Variants in SLC3A1 observed in about 807,000 individuals in gnomAD.
SLC3A1 encodes solute carrier family 3 member 1, also known as amino acid transporter heavy chain SLC3A1.
SLC3A1 carries 78 observed loss-of-function variants against 60.3 expected under a neutral mutation model. That is an observed-to-expected ratio of 1.29 (90% CI 1.08 to 1.56). The LOEUF is 1.56. SLC3A1 is among the 40% of genes most tolerant of loss of function. SLC3A1 has a pLI of 0.00. For synonymous variants in SLC3A1, 392 were observed against 307.9 expected, an observed-to-expected ratio of 1.27 and a Z score of -2.86; for missense variants, 1,172 against 858.9, an observed-to-expected ratio of 1.36 and a Z score of -4.56.
At position 44,275,673 on chromosome 2, in the gene SLC3A1, C is replaced by G. The variant is rs373364069; in HGVS notation, c.138C>G (p.His46Gln). ...DPGSSTDNLK[H>Q]STRGILGSQE... Reference sequence around the variant, plus strand: ...GAAGCTCAACAGACAACCTGAAGCACAGCACCAGGGGCATCCTTGGCTCCC... The same window carrying G: ...GAAGCTCAACAGACAACCTGAAGCAGAGCACCAGGGGCATCCTTGGCTCCC... Residue 46 changes from histidine to glutamine, a missense_variant, in exon 1 of 10, where the codon CAC becomes CAG. His to Gln is a conservative substitution (Grantham distance 24). Coordinates refer to ENST00000260649, the MANE Select transcript of SLC3A1 (RefSeq NM_000341.4). 1 of 1,614,196 alleles carries G rather than the reference C, an allele frequency of 6.2e-7. No homozygotes were observed.
At chr2:44,278,402 C>T (rs1056276848) in intron 1 of SLC3A1, among the ~76,000 whole-genome samples, 22 of 151,870 alleles carry the variant, frequency 1.4e-4, no homozygotes, top group Admixed American at 1.3e-3. Flanking sequence ...GAGCTAAGAT[C>T]GCACCACTGC....
chr2:44,287,865 C>A (rs1248567096), intron 4 of SLC3A1, among the ~76,000 whole-genome samples: 1 of 152,062 alleles, frequency 6.6e-6, no homozygotes, highest in Non-Finnish European at 1.5e-5. Flanking sequence ...TGCAAGCTGT[C>A]ATGCTGGAGT....
chr2:44,311,467 G>A (rs1672293975), intron 7 of SLC3A1, among the ~76,000 whole-genome samples: 1 of 151,930 alleles, frequency 6.6e-6, no homozygotes, highest in Non-Finnish European at 1.5e-5. Context: ...TGTTGTTGTT[G>A]TTAAAAACCG....
At chr2:44,309,179 A>C (rs1186013530) in intron 7 of SLC3A1, among the ~76,000 whole-genome samples, 1 of 152,176 alleles carries the variant, frequency 6.6e-6, no homozygotes, top group African/African-American at 2.4e-5. Context: ...TTATCATCCC[A>C]AACAGAAAAT....
intron 6 of SLC3A1, among the ~76,000 whole-genome samples, chr2:44,302,808 TAAAG>T (rs1167178149): frequency 1.3e-5 from 2 of 152,230 alleles, no homozygotes; most frequent in African/African-American, 4.8e-5. Flanking sequence ...TGAGAATTGC[TAAAG>T]AAAGTCTTCA....
At chr2:44,289,186 T>G (rs1671682455) in intron 4 of SLC3A1, among the ~76,000 whole-genome samples, 1 of 150,786 alleles carries the variant, frequency 6.6e-6, no homozygotes, top group Non-Finnish European at 1.5e-5. Context: ...TTGTAAAAGT[T>G]CTTACATATT....
At chr2:44,311,572 G>T (rs558954993) in intron 7 of SLC3A1, among the ~76,000 whole-genome samples, 73 of 152,090 alleles carry the variant, frequency 4.8e-4, no homozygotes, top group Admixed American at 1.8e-3. Flanking sequence ...AAATCAAAGG[G>T]TTTCTTGTCA....
intron 3 of SLC3A1, among the ~76,000 whole-genome samples, chr2:44,284,609 C>G (rs1671573460): frequency 6.6e-6 from 1 of 152,138 alleles, no homozygotes; most frequent in South Asian, 2.1e-4. Context: ...GTCACCCAGG[C>G]TGAAGCATAG....
chr2:44,297,884 C>T (rs181892667), intron 4 of SLC3A1, among the ~76,000 whole-genome samples: 203 of 152,226 alleles, frequency 1.3e-3, no homozygotes, highest in Non-Finnish European at 2.2e-3. Context: ...AGGTGTGAGC[C>T]GTCACACCTG....
intron 4 of SLC3A1, among the ~76,000 whole-genome samples, chr2:44,296,430 G>A (rs1423545831): frequency 2.0e-5 from 3 of 152,140 alleles, no homozygotes; most frequent in South Asian, 2.1e-4. Flanking sequence ...AATGAATTTG[G>A]TAAAAGATAA....
intron 6 of SLC3A1, 69 bp downstream of exon 6, chr2:44,301,196 C>T: frequency 6.3e-7 from 1 of 1,587,508 alleles, no homozygotes; most frequent in Non-Finnish European, 8.6e-7. Flanking sequence ...TCCCTCACAA[C>T]CAAGTGTATT....
At chr2:44,302,387 C>T (rs1376955885) in intron 6 of SLC3A1, among the ~76,000 whole-genome samples, 1 of 152,176 alleles carries the variant, frequency 6.6e-6, no homozygotes, top group Non-Finnish European at 1.5e-5. Context: ...ATTAAGTTTA[C>T]ATAGATCACT....
In SLC3A1 at chr2:44,320,785, T is replaced by A. The variant is rs1291934883; in HGVS notation, c.*146T>A. Reference sequence around the variant, plus strand: ...TGAATGTAACTGCTTTAAGAAAGGTTCTCAAATGTTTTGAAAAAAATAAAA... The same window carrying A: ...TGAATGTAACTGCTTTAAGAAAGGTACTCAAATGTTTTGAAAAAAATAAAA... On this transcript the variant is annotated 3_prime_UTR_variant, in exon 10 of 10. Coordinates refer to ENST00000260649, the MANE Select transcript of SLC3A1 (RefSeq NM_000341.4). 1.4e-6 allele frequency: 1 copy of A among 713,072 alleles called. No individual in the cohort carries two copies. The highest frequency in any genetic ancestry group is 2.4e-6 in the Non-Finnish European group (1 of 415,776). 44.2% of individuals were successfully genotyped at this position (713,072 alleles called of 1,614,324 possible).
At chr2:44,320,019 T>C (rs1672788886) in intron 9 of SLC3A1, 180 bp from the exon 10 acceptor site, 1 of 604,504 alleles carries the variant, frequency 1.7e-6, no homozygotes, top group Non-Finnish European at 2.9e-6. Context: ...GAATTTGTCA[T>C]TTCTATCAGT....
At chr2:44,318,597 T>TGTTTGCATAGGCACAGAATGTATC in intron 9 of SLC3A1, 1 of 151,208 alleles carries the variant, frequency 6.6e-6, no homozygotes, top group African/African-American at 2.5e-5. Context: ...TATATAAACA[T>TGTTTGCATAGGCACAGAATGTATC]ATGAAATGAT....
intron 6 of SLC3A1, among the ~76,000 whole-genome samples, chr2:44,303,284 C>T (rs12987415): frequency 0.71 from 103,532 of 146,782 alleles, 37,262 homozygotes; most frequent in Non-Finnish European, 0.78. Context: ...CACTTTGTTG[C>T]CCAGGCTGGA....
In SLC3A1 at chr2:44,320,640, G is replaced by A. The variant is rs771277513; in HGVS notation, c.*1G>A. On this transcript the variant is annotated 3_prime_UTR_variant, in exon 10 of 10. Coordinates refer to ENST00000260649, the MANE Select transcript of SLC3A1 (RefSeq NM_000341.4). The stretch of plus-strand genomic sequence containing the variant: ...GAACATACTGTATACCTCGTGTTAG[G>A]CACCTTTATGAAGAGATGAAGACAC... The A allele has an allele frequency of 6.2e-7, 1 of 1,612,026 alleles. No homozygotes were observed. The highest frequency in any genetic ancestry group is 8.5e-7 in the Non-Finnish European group (1 of 1,178,356).
rs773504482 is a variant in SLC3A1 at position 44,301,070 on chromosome 2, T to C, written c.1079T>C (p.Ile360Thr). 8 of 1,614,054 alleles carry C rather than the reference T, an allele frequency of 5.0e-6. No homozygotes were observed. In the Admixed American group the frequency reaches 5.0e-5, roughly 10 times the overall value. Residue 360 changes from isoleucine to threonine, a missense_variant, in exon 6 of 10, where the codon ATT becomes ACT. Coordinates refer to ENST00000260649, the MANE Select transcript of SLC3A1 (RefSeq NM_000341.4). ...ACCACGCAGGTGGGAATGCACGACA[T>C]TGTCCGCAGCTTCCGGCAGACCATG... ...FTTTQVGMHD[I>T]VRSFRQTMDQ...
intron 7 of SLC3A1, among the ~76,000 whole-genome samples, chr2:44,305,152 T>TG (rs1198077886): frequency 1.3e-5 from 2 of 152,104 alleles, no homozygotes; most frequent in Admixed American, 6.6e-5. Flanking sequence ...TTTTCAAGAC[T>TG]GGCAATACAT....
Sources: allele counts gnomAD v4.1 joint callset (sites outside exome capture counted in the v4.1 genomes callset), GRCh38; gene constraint gnomAD v4.1.1; transcripts MANE v1.5; gene names NCBI Gene and HGNC (gene_info 2026-07-23, HGNC 2026-07-21).